The following CSMD1 variants were observed in gnomAD, a reference collection of about 807,000 sequenced individuals.
The protein encoded by CSMD1 is CUB and sushi domain-containing protein 1.
A neutral mutation model predicts 417.5 loss-of-function variants in CSMD1; 213 were observed. The ratio of observed to expected loss-of-function variants is 0.51; its 90% confidence interval spans 0.46 to 0.57. The LOEUF (loss-of-function observed/expected upper bound fraction) is 0.57. CSMD1 is among the 20% of genes least tolerant of loss of function. The pLI is 0.00. For synonymous variants in CSMD1, 2,862 were observed against 1,736.8 expected, an observed-to-expected ratio of 1.65 and a Z score of -16.11; for missense variants, 6,923 against 4,529.7, an observed-to-expected ratio of 1.53 and a Z score of -15.17.
In CSMD1 at chr8:3,710,943, G is replaced by A. The variant is rs569997332; in HGVS notation, c.932-2452C>T. On this transcript the variant is annotated intron_variant, in intron 6 of 69. Transcript: ENST00000635120. Reference sequence around the variant, plus strand: ...GGAGCTGGTCCACCTGGAAGGAGGAGGGTGAGATCCCGAAGCAATGCCGCC... The same window carrying A: ...GGAGCTGGTCCACCTGGAAGGAGGAAGGTGAGATCCCGAAGCAATGCCGCC... Among the ~76,000 whole-genome samples the A allele has an allele frequency of 2.0e-5, 3 of 152,266 alleles. No individual in the cohort carries two copies. In the South Asian group the frequency reaches 6.2e-4, roughly 32 times the overall value.
intron 3 of CSMD1, among the ~76,000 whole-genome samples, chr8:4,143,215 G>A (rs983822804): frequency 6.6e-6 from 1 of 151,138 alleles, no homozygotes; most frequent in African/African-American, 2.5e-5. Context: ...TCCACAGAAC[G>A]GTGTGGTCTA....
At chr8:4,082,553 A>C (rs987194308) in intron 3 of CSMD1, among the ~76,000 whole-genome samples, 4 of 152,084 alleles carry the variant, frequency 2.6e-5, no homozygotes, top group African/African-American at 9.7e-5. Flanking sequence ...AACAAACAAA[A>C]TTACAGACCC....
intron 7 of CSMD1, among the ~76,000 whole-genome samples, chr8:3,626,313 T>C (rs1248899451): frequency 6.6e-6 from 1 of 152,170 alleles, no homozygotes; most frequent in African/African-American, 2.4e-5. Flanking sequence ...AGAAATAGTT[T>C]TGGGGGCTCA....
intron 5 of CSMD1, among the ~76,000 whole-genome samples, chr8:3,875,225 T>C (rs1423273739): frequency 1.3e-5 from 2 of 152,134 alleles, no homozygotes; most frequent in Non-Finnish European, 1.5e-5. Context: ...GCCACCACAA[T>C]GGTCCTCATG....
Position 3,485,187 on chromosome 8 carries a change from C to T in CSMD1, c.1448+8436G>A, listed in dbSNP as rs549360368. Among the ~76,000 whole-genome samples, 110 of 152,278 alleles carry T rather than the reference C, an allele frequency of 7.2e-4. 2 individuals carry two copies. In the South Asian group the frequency reaches 0.023, roughly 32 times the overall value. ...GTGTCCATCTGTGGGTGAATATAAA[C>T]TGTGGAACATTCATACCTTGAAATA... On this transcript the variant is annotated intron_variant, in intron 11 of 69. Coordinates refer to ENST00000635120, the MANE Select transcript of CSMD1 (RefSeq NM_033225.6).
intron 2 of CSMD1, among the ~76,000 whole-genome samples, chr8:4,566,147 G>T (rs1016949857): frequency 6.6e-6 from 1 of 152,104 alleles, no homozygotes; most frequent in Non-Finnish European, 1.5e-5. Context: ...AGATAAGAAT[G>T]CATCTTGCTA....
intron 3 of CSMD1, among the ~76,000 whole-genome samples, chr8:4,273,718 G>T: frequency 6.6e-6 from 1 of 152,134 alleles, no homozygotes; most frequent in East Asian, 1.9e-4. Context: ...AAAAGGATTT[G>T]TAGCTAGACC....
At chr8:3,311,442 G>A (rs1273048883) in intron 23 of CSMD1, among the ~76,000 whole-genome samples, 1 of 150,066 alleles carries the variant, frequency 6.7e-6, no homozygotes, top group Non-Finnish European at 1.5e-5. Context: ...TAGAGTCAGG[G>A]TTTCACCACG....
chr8:4,073,158 T>G (rs905154820), intron 3 of CSMD1, among the ~76,000 whole-genome samples: 6 of 152,174 alleles, frequency 3.9e-5, no homozygotes, highest in African/African-American at 1.4e-4. Flanking sequence ...GTGATTTCAC[T>G]TTTAGAAAAA....
chr8:3,222,627 A>G (rs1040749720), intron 28 of CSMD1, among the ~76,000 whole-genome samples: 4 of 152,172 alleles, frequency 2.6e-5, no homozygotes, highest in African/African-American at 9.7e-5. Flanking sequence ...TAACCCATTT[A>G]TAATATCTTG....
chr8:3,527,256 G>C (rs1025569054), intron 10 of CSMD1, among the ~76,000 whole-genome samples: 1 of 152,226 alleles, frequency 6.6e-6, no homozygotes, highest in East Asian at 1.9e-4. Context: ...GGTACAGGGC[G>C]CTGATAGGGA....
At chr8:4,332,183 A>C (rs771833716) in intron 3 of CSMD1, among the ~76,000 whole-genome samples, 1 of 152,118 alleles carries the variant, frequency 6.6e-6, no homozygotes, top group Non-Finnish European at 1.5e-5. Flanking sequence ...CTGTGGACAG[A>C]AATAATGAGG....
intron 2 of CSMD1, among the ~76,000 whole-genome samples, chr8:4,445,906 G>C (rs1324186816): frequency 6.6e-6 from 1 of 152,188 alleles, no homozygotes; most frequent in Admixed American, 6.5e-5. Context: ...CGGATGCAGG[G>C]ACGTGACCTG....
At chr8:4,310,420 T>C (rs1249420308) in intron 3 of CSMD1, among the ~76,000 whole-genome samples, 4 of 152,194 alleles carry the variant, frequency 2.6e-5, no homozygotes, top group Admixed American at 6.5e-5. Flanking sequence ...CATTTTGGTA[T>C]TCAACAAAGA....
At chr8:3,624,409 G>T (rs1796397128) in intron 7 of CSMD1, among the ~76,000 whole-genome samples, 2 of 152,090 alleles carry the variant, frequency 1.3e-5, no homozygotes, top group African/African-American at 4.8e-5. Flanking sequence ...ATTTATATTT[G>T]GAATAAATAA....
intron 5 of CSMD1, among the ~76,000 whole-genome samples, chr8:3,967,200 A>C (rs1239157398): frequency 6.6e-6 from 1 of 151,598 alleles, no homozygotes; most frequent in Non-Finnish European, 1.5e-5. Context: ...GATTCTCTCT[A>C]CTGCTTTGCT....
At chr8:3,692,252 G>C (rs915328579) in intron 7 of CSMD1, among the ~76,000 whole-genome samples, 2 of 152,010 alleles carry the variant, frequency 1.3e-5, no homozygotes, top group Non-Finnish European at 2.9e-5. Context: ...CCCCTTAGTC[G>C]CTATCCTGCG....
At chr8:4,483,973 C>T (rs908100026) in intron 2 of CSMD1, among the ~76,000 whole-genome samples, 6 of 152,048 alleles carry the variant, frequency 3.9e-5, no homozygotes, top group Non-Finnish European at 5.9e-5. Flanking sequence ...CCTGCGTTTT[C>T]GGAGAGAGCA....
At chr8:4,154,127 C>T (rs912635307) in intron 3 of CSMD1, among the ~76,000 whole-genome samples, 19 of 152,194 alleles carry the variant, frequency 1.2e-4, no homozygotes, top group Admixed American at 3.9e-4. Context: ...TCACAATCTG[C>T]GACAGCTGAG....
Sources: allele counts gnomAD v4.1 joint callset (sites outside exome capture counted in the v4.1 genomes callset), GRCh38; gene constraint gnomAD v4.1.1; transcripts MANE v1.5; gene names NCBI Gene and HGNC (gene_info 2026-07-23, HGNC 2026-07-21).